ROBO2: variants seen among roughly 807,000 people sequenced by gnomAD.
ROBO2 encodes roundabout homolog 2.
ROBO2 carries 53 observed loss-of-function variants against 160.8 expected under a neutral mutation model. That is an observed-to-expected ratio of 0.33 (90% CI 0.26 to 0.41). The LOEUF is 0.41. Ranked by LOEUF, ROBO2 falls within the 10% of genes least tolerant of loss-of-function variation. The pLI is 1.00. For missense variants in ROBO2, 1,577 were observed against 1,722.4 expected (o/e 0.92, Z 1.49); for synonymous variants, 664 against 611.7 (o/e 1.09, Z -1.26).
chr3:76,132,402 G>GGGC (rs2071261947), intron 2 of ROBO2, among the ~76,000 whole-genome samples: 1 of 62,650 alleles, frequency 1.6e-5, no homozygotes, highest in Non-Finnish European at 5.2e-5. Flanking sequence ...GTTGGGGGGG[G>GGGC]GGGGGGACGC....
chr3:76,127,856 T>A (rs1291191750), intron 2 of ROBO2, among the ~76,000 whole-genome samples: 1 of 150,442 alleles, frequency 6.6e-6, no homozygotes, highest in East Asian at 1.9e-4. Context: ...TAAGGTAAAA[T>A]AATCACTTCA....
intron 2 of ROBO2, among the ~76,000 whole-genome samples, chr3:76,690,734 A>G (rs1461666076): frequency 6.6e-6 from 1 of 152,090 alleles, no homozygotes; most frequent in Non-Finnish European, 1.5e-5. Context: ...TTGTATCCCT[A>G]GTACCTTACT....
intron 2 of ROBO2, among the ~76,000 whole-genome samples, chr3:77,231,625 A>AT (rs56699969): frequency 4.6e-5 from 7 of 151,476 alleles, no homozygotes; most frequent in African/African-American, 9.7e-5. Context: ...TTACATTATT[A>AT]TTTTTTTTCC....
intron 2 of ROBO2, among the ~76,000 whole-genome samples, chr3:76,252,634 TAAA>T (rs891112666): frequency 6.6e-6 from 1 of 151,376 alleles, no homozygotes; most frequent in African/African-American, 2.4e-5. Flanking sequence ...AAATATCAAA[TAAA>T]AAAAGGTATG....
chr3:77,477,011 T>C (rs1225521106), intron 2 of ROBO2, among the ~76,000 whole-genome samples: 2 of 152,100 alleles, frequency 1.3e-5, no homozygotes, highest in Non-Finnish European at 2.9e-5. Context: ...TCATTAGGCT[T>C]GCAGGCTCAC....
Position 76,117,688 on chromosome 3 carries a change from G to A in ROBO2, c.109+180086G>A, listed in dbSNP as rs564176714. Among the ~76,000 whole-genome samples, 7 of 152,210 alleles carry A rather than the reference G, an allele frequency of 4.6e-5. No individual in the cohort carries two copies. In the South Asian group the frequency reaches 8.3e-4, roughly 18 times the overall value. ...TTAACAAATATAAATACTGTGCTAC[G>A]TTTTGGAATTTAACATAATCAAATT... On this transcript the variant is annotated intron_variant, in intron 2 of 26. Coordinates refer to the ROBO2 transcript ENST00000487694.
At chr3:77,340,802 G>C (rs2066979923) in intron 2 of ROBO2, among the ~76,000 whole-genome samples, 1 of 152,058 alleles carries the variant, frequency 6.6e-6, no homozygotes. Context: ...GTATAAGAAA[G>C]CATTTCATAT....
Position 76,575,210 on chromosome 3 carries a change from T to C in ROBO2, c.110-522804T>C, listed in dbSNP as rs548723587. Among the ~76,000 whole-genome samples, 12 of 152,216 alleles carry C rather than the reference T, an allele frequency of 7.9e-5. No homozygotes were observed. In the South Asian group the frequency reaches 2.3e-3, roughly 29 times the overall value. ...ACTCAACATTTTTACAATACCTTGA[T>C]AATTCCCATTCTTTCCATTTCTGTA... is the stretch of plus-strand genomic sequence containing the variant. On this transcript the variant is annotated intron_variant, in intron 2 of 26. Coordinates refer to the ROBO2 transcript ENST00000487694.
intron 2 of ROBO2, among the ~76,000 whole-genome samples, chr3:76,663,056 G>C (rs1259630115): frequency 6.6e-6 from 1 of 152,146 alleles, no homozygotes; most frequent in East Asian, 1.9e-4. Flanking sequence ...AGTAGTTTAG[G>C]TATAAAATAA....
intron 2 of ROBO2, among the ~76,000 whole-genome samples, chr3:77,278,309 C>T (rs2060023785): frequency 6.6e-6 from 1 of 152,128 alleles, no homozygotes; most frequent in Non-Finnish European, 1.5e-5. Flanking sequence ...TATGTGTATC[C>T]TCCATTCAAT....
At chr3:76,136,310 C>T (rs753419557) in intron 2 of ROBO2, among the ~76,000 whole-genome samples, 1 of 152,076 alleles carries the variant, frequency 6.6e-6, no homozygotes, top group Non-Finnish European at 1.5e-5. Flanking sequence ...ATAAAGCTCC[C>T]TCCTGTCATT....
At chr3:76,812,157 G>A (rs1468745565) in intron 2 of ROBO2, among the ~76,000 whole-genome samples, 1 of 151,832 alleles carries the variant, frequency 6.6e-6, no homozygotes, top group East Asian at 1.9e-4. Context: ...ACAGGTGTGA[G>A]CCACCGTGCC....
At chr3:76,200,470 C>G (rs142749993) in intron 2 of ROBO2, among the ~76,000 whole-genome samples, 1 of 152,126 alleles carries the variant, frequency 6.6e-6, no homozygotes, top group Admixed American at 6.6e-5. Flanking sequence ...GCCTTTAGCT[C>G]AAAATAATTC....
intron 2 of ROBO2, among the ~76,000 whole-genome samples, chr3:77,270,692 C>A (rs1195474410): frequency 6.6e-6 from 1 of 152,070 alleles, no homozygotes; most frequent in Non-Finnish European, 1.5e-5. Context: ...CACCTGTAAT[C>A]CCAGCACTTT....
Position 75,965,634 on chromosome 3 carries a change from G to T in ROBO2, c.109+28032G>T, listed in dbSNP as rs1449141493. On this transcript the variant is annotated intron_variant, in intron 2 of 26. Coordinates refer to the ROBO2 transcript ENST00000487694. ...GTATATTTTTATTTTGTATATATTT[G>T]GTATAATTCTGTTAATATTTTATAT... Among the ~76,000 whole-genome samples, 14 of 7,604 alleles carry T rather than the reference G, an allele frequency of 1.8e-3. No homozygotes were observed. In the Non-Finnish European group the frequency reaches 0.02, roughly 11 times the overall value. The allele number at this position is 7,604 out of a possible 152,430, so 5.0% of individuals were successfully genotyped here.
chr3:77,065,518 A>G lies in ROBO2; in HGVS notation c.61+24672A>G, dbSNP rs191802330. ...TCAGCAAGTAACAAGGTTTCTTGCA[A>G]TCTTTAGTCAGATGTCATTTGAGTA... On this transcript the variant is annotated intron_variant, in intron 1 of 25. Coordinates refer to ENST00000461745, the Ensembl canonical transcript of ROBO2. Among the ~76,000 whole-genome samples, 639 of 152,238 alleles carry G rather than the reference A, an allele frequency of 4.2e-3. 4 individuals are homozygous for G. The highest frequency in any genetic ancestry group is 0.014 in the African/African-American group (595 of 41,552).
At chr3:76,230,206 T>C (rs1209639598) in intron 2 of ROBO2, among the ~76,000 whole-genome samples, 1 of 152,114 alleles carries the variant, frequency 6.6e-6, no homozygotes, top group Non-Finnish European at 1.5e-5. Context: ...AGGACCTTTT[T>C]CTTCATGGAG....
chr3:77,056,876 C>G (rs897685836), intron 1 of ROBO2, among the ~76,000 whole-genome samples: 5 of 152,104 alleles, frequency 3.3e-5, no homozygotes, highest in South Asian at 2.1e-4. Flanking sequence ...AAACATATGT[C>G]TATGCACACG....
At chr3:77,351,350 A>G (rs1405740338) in intron 2 of ROBO2, among the ~76,000 whole-genome samples, 1 of 152,206 alleles carries the variant, frequency 6.6e-6, no homozygotes, top group Non-Finnish European at 1.5e-5. Flanking sequence ...TCAAGATATC[A>G]CTCAGTTACC....
Sources: allele counts gnomAD v4.1 joint callset (sites outside exome capture counted in the v4.1 genomes callset), GRCh38; gene constraint gnomAD v4.1.1; transcripts MANE v1.5; gene names NCBI Gene and HGNC (gene_info 2026-07-23, HGNC 2026-07-21).